Variants in CNDP2 observed in about 807,000 individuals in gnomAD.
The protein encoded by CNDP2 is cytosolic non-specific dipeptidase.
Under a neutral mutation model 55.0 loss-of-function variants are expected in CNDP2, and 38 were observed. The ratio of observed to expected loss-of-function variants is 0.69; its 90% CI spans 0.53 to 0.90. CNDP2 has a LOEUF of 0.90. CNDP2 is among the 40% of genes least tolerant of loss of function. The pLI is 0.00. For synonymous variants in CNDP2, 241 were observed against 260.2 expected (o/e 0.93, Z 0.71); for missense variants, 607 against 621.7 (o/e 0.98, Z 0.25).
chr18:74,503,705 C>T (rs950632829), intron 3 of CNDP2, among the ~76,000 whole-genome samples: 2 of 152,272 alleles, frequency 1.3e-5, no homozygotes, highest in Non-Finnish European at 2.9e-5. Context: ...ATTCTTTGTC[C>T]CTGGTGGGTA....
chr18:74,516,606 CA>C, intron 9 of CNDP2: 1 of 522,172 alleles, frequency 1.9e-6, no homozygotes, highest in Non-Finnish European at 3.2e-6. Context: ...TGAGGCAGGC[CA>C]AAATCTGGCC....
In CNDP2 at chr18:74,522,362, C is replaced by G. The variant is rs1980100427; in HGVS notation, c.*2294C>G. 1 of 152,240 alleles carries G rather than the reference C, an allele frequency of 6.6e-6. No homozygotes were observed. The highest frequency in any genetic ancestry group is 2.1e-4 in the South Asian group (1 of 4,834). The allele number at this position is 152,240 out of a possible 1,614,324, so 9.4% of individuals were successfully genotyped here. A position where few individuals can be genotyped will look rare whatever the true frequency, so the allele number is the denominator to read the frequency against. On this transcript the variant is annotated 3_prime_UTR_variant, in exon 12 of 12. Transcript: ENST00000324262. ...GCAAAAAGAACTGCATGGTCTTCCC[C>G]CAGAAATCCTAAGAGTAGCTGCTGG...
At chr18:74,505,345 TTCTAGCACTTTGGAAA>T (rs1447913263) in intron 3 of CNDP2, 1 of 153,378 alleles carries the variant, frequency 6.5e-6, no homozygotes, top group African/African-American at 2.4e-5. Flanking sequence ...ATGCTTGTAA[TTCTAGCACTTTGGAAA>T]GCCGAGGTGG....
At position 74,506,010 on chromosome 18, in the gene CNDP2, C is replaced by A; in HGVS notation, c.366C>A (p.Asp122Glu). The change falls in exon 4 of 12, where the codon GAC (aspartate) becomes GAA (glutamate). Residue 122 changes from aspartate to glutamate, a missense_variant and splice_region_variant. By Grantham distance (45) the Asp-to-Glu change is conservative (BLOSUM62 2). Coordinates refer to ENST00000324262, the MANE Select transcript of CNDP2 (RefSeq NM_018235.3). Reference protein sequence around the residue: ...DSEPFTLVERDGKLYGRGSTD... With the variant: ...DSEPFTLVEREGKLYGRGSTD... ...AGCCCTTCACCCTGGTGGAGCGAGA[C>A]GGTGAGCGCCGCGCGCCTATGCGTG... The A allele has an allele frequency of 6.3e-7, 1 of 1,582,524 alleles. No homozygotes were observed. The highest frequency in any genetic ancestry group is 8.6e-7 in the Non-Finnish European group (1 of 1,168,910).
chr18:74,498,124 G>A (rs181754615), intron 1 of CNDP2: 1 of 152,110 alleles, frequency 6.6e-6, no homozygotes, highest in Non-Finnish European at 1.5e-5. Flanking sequence ...AGTGAAAGTC[G>A]TAACTTAGAT....
intron 8 of CNDP2, 80 bp from the exon 9 acceptor site, chr18:74,516,148 A>G (rs1026881146): frequency 6.9e-7 from 1 of 1,459,184 alleles, no homozygotes; most frequent in Non-Finnish European, 9.3e-7. Context: ...TTTCCCAGAC[A>G]ACATTCCCAG....
rs528710202 is a variant in CNDP2 at position 74,520,338 on chromosome 18, C to T, written c.*270C>T. Reference sequence around the variant, plus strand: ...TTGACCTGCAGAAGATACCCAAGGTCCAAAAGCACAAGGTCTGCGGAAAGT... The same window carrying T: ...TTGACCTGCAGAAGATACCCAAGGTTCAAAAGCACAAGGTCTGCGGAAAGT... On this transcript the variant is annotated 3_prime_UTR_variant, in exon 12 of 12. Transcript: ENST00000324262. 2.3e-5 allele frequency: 10 copies of T among 429,476 alleles called. 1 individual carries two copies. The South Asian group carries it at 2.5e-4, about 11-fold the overall frequency. The allele number at this position is 429,476 out of a possible 1,614,324, so 26.6% of individuals were successfully genotyped here. A position where few individuals can be genotyped will look rare whatever the true frequency, so the allele number is the denominator to read the frequency against.
At position 74,522,861 on chromosome 18, in the gene CNDP2, C is replaced by CAG. The variant is rs1980132661; in HGVS notation, c.*2793_*2794insAG. The CAG allele has an allele frequency of 6.6e-6, 1 of 152,328 alleles. No homozygotes were observed. The highest frequency in any genetic ancestry group is 1.5e-5 in the Non-Finnish European group (1 of 68,094). 9.4% of individuals were successfully genotyped at this position (152,328 alleles called of 1,614,324 possible). A position where few individuals can be genotyped will look rare whatever the true frequency, so the allele number is the denominator to read the frequency against. The stretch of plus-strand genomic sequence containing the variant: ...TCACCGTGCTAACACGTGCAGCAGC[C>CAG]TGTGTGGCTCAGGCCAGTCAGCTTC... On this transcript the variant is annotated 3_prime_UTR_variant, in exon 12 of 12. Coordinates refer to ENST00000324262, the MANE Select transcript of CNDP2 (RefSeq NM_018235.3).
At chr18:74,506,323 C>T (rs1255769958) in intron 4 of CNDP2, among the ~76,000 whole-genome samples, 14 of 151,934 alleles carry the variant, frequency 9.2e-5, no homozygotes, top group Admixed American at 7.9e-4. Flanking sequence ...TTAGTAGAGA[C>T]GGGGTTTCAC....
chr18:74,509,881 G>A (rs1045563493), intron 5 of CNDP2, among the ~76,000 whole-genome samples: 4 of 152,186 alleles, frequency 2.6e-5, no homozygotes, highest in African/African-American at 4.8e-5. Flanking sequence ...GTCAAAGCAT[G>A]GAATGTTAGG....
At chr18:74,516,484 G>A (rs907178539) in intron 9 of CNDP2, 92 bp downstream of exon 9, 3 of 1,287,832 alleles carry the variant, frequency 2.3e-6, no homozygotes, top group East Asian at 2.6e-5. Flanking sequence ...ACAGACACCC[G>A]GGCCATGCAT....
chr18:74,496,846 C>G (rs1330879188), intron 1 of CNDP2, among the ~76,000 whole-genome samples: 1 of 152,198 alleles, frequency 6.6e-6, no homozygotes, highest in East Asian at 1.9e-4. Context: ...GCTGAGAACT[C>G]CAGCCTTTCT....
At position 74,505,916 on chromosome 18, in the gene CNDP2, A is replaced by G; in HGVS notation, c.272A>G (p.Lys91Arg). 1 of 1,612,342 alleles carries G rather than the reference A, an allele frequency of 6.2e-7. No individual in the cohort carries two copies. The highest frequency in any genetic ancestry group is 8.5e-7 in the Non-Finnish European group (1 of 1,179,414). Residue 91 changes from lysine to arginine, a missense_variant, in exon 4 of 12, where the codon AAG (lysine) becomes AGG (arginine). Transcript: ENST00000324262. ...LLGRLGSDPQ[K>R]KTVCIYGHLD... Reference sequence around the variant, plus strand: ...GGCAGGCTGGGCTCCGACCCACAGAAGAAGACCGTGTGCATTTACGGGCAC... The same window carrying G: ...GGCAGGCTGGGCTCCGACCCACAGAGGAAGACCGTGTGCATTTACGGGCAC...
chr18:74,507,127 G>A (rs371154557), intron 4 of CNDP2: 27 of 152,284 alleles, frequency 1.8e-4, no homozygotes, highest in Middle Eastern at 3.4e-3. Flanking sequence ...ACTAACTTGC[G>A]GTGGATTGTA....
At chr18:74,518,383 C>T (rs984451790) in intron 9 of CNDP2, 116 bp from the exon 10 acceptor site, 1 of 1,184,392 alleles carries the variant, frequency 8.4e-7, no homozygotes, top group African/African-American at 1.5e-5. Context: ...ACAGACCTGT[C>T]AGAGGCCGAT....
chr18:74,498,391 A>T (rs1978518518), intron 1 of CNDP2, among the ~76,000 whole-genome samples: 1 of 152,158 alleles, frequency 6.6e-6, no homozygotes, highest in South Asian at 2.1e-4. Flanking sequence ...ACAGAAAATG[A>T]ATTTTTTAGC....
At chr18:74,517,824 A>G (rs1367191221) in intron 9 of CNDP2, 1 of 152,190 alleles carries the variant, frequency 6.6e-6, no homozygotes, top group Admixed American at 6.5e-5. Flanking sequence ...GCACGCAAAC[A>G]TTCTGTCCAT....
chr18:74,520,329 A>G lies in CNDP2; in HGVS notation c.*261A>G. 1 of 444,626 alleles carries G rather than the reference A, an allele frequency of 2.2e-6. No individual in the cohort carries two copies. Among genetic ancestry groups the G allele is most frequent in the East Asian group, 4.4e-5 (1 of 22,644 alleles). The allele number at this position is 444,626 out of a possible 1,614,324, so 27.5% of individuals were successfully genotyped here. ...CAGGATGGCTTGACCTGCAGAAGAT[A>G]CCCAAGGTCCAAAAGCACAAGGTCT... On this transcript the variant is annotated 3_prime_UTR_variant, in exon 12 of 12. Transcript: ENST00000324262.
Position 74,508,994 on chromosome 18 carries a change from C to G in CNDP2, c.456+66C>G, listed in dbSNP as rs1979194689. 3.0e-6 allele frequency: 4 copies of G among 1,321,714 alleles called. No individual in the cohort carries two copies. In the South Asian group the frequency reaches 3.6e-5, roughly 12 times the overall value. The allele number at this position is 1,321,714 out of a possible 1,614,324, so 81.9% of individuals were successfully genotyped here. The stretch of plus-strand genomic sequence containing the variant: ...CATCTGAGCCATACAAAGACAGGCT[C>G]TCTGTTCACACAACAGCTTATAAAG... On this transcript the variant is annotated intron_variant, in intron 5 of 11. Coordinates refer to ENST00000324262, the MANE Select transcript of CNDP2 (RefSeq NM_018235.3).
Sources: gnomAD v4.1 joint callset for allele counts (sites outside exome capture counted in the v4.1 genomes callset) on GRCh38, gnomAD v4.1.1 for gene constraint, MANE v1.5 for transcripts, NCBI Gene and HGNC (gene_info 2026-07-23, HGNC 2026-07-21) for gene names.